The following CFI variants were observed in gnomAD, a reference collection of about 807,000 sequenced individuals.
CFI encodes C3B/C4B inactivator.
In CFI, 66 loss-of-function variants were observed where a neutral mutation model predicts 78.8. The ratio of observed to expected loss-of-function variants is 0.84; its 90% CI spans 0.69 to 1.03. The LOEUF (loss-of-function observed/expected upper bound fraction) is 1.03, where lower values mean the gene tolerates loss of function less well. CFI is among the 50% of genes least tolerant of loss of function. The pLI is 0.00. For missense variants in CFI, 706 were observed against 704.5 expected (o/e 1.00, Z -0.02); for synonymous variants, 250 against 232.6 (o/e 1.07, Z -0.68).
Position 109,749,488 on chromosome 4 carries a change from T to C in CFI, c.1044+11A>G, listed in dbSNP as rs756364056. On this transcript the variant is annotated intron_variant, in intron 9 of 12. Coordinates refer to ENST00000394634, the MANE Select transcript of CFI (RefSeq NM_000204.5). ...TGGGCAGTTGCATTGTGACTTTTCATGCGACTTTACCAGTTGTGCTCGCTT... is the reference window on the plus strand; with the variant it reads ...TGGGCAGTTGCATTGTGACTTTTCACGCGACTTTACCAGTTGTGCTCGCTT... The C allele has an allele frequency of 3.1e-6, 5 of 1,607,558 alleles. No homozygotes were observed. The highest frequency in any genetic ancestry group is 3.4e-6 in the Non-Finnish European group (4 of 1,173,944).
At position 109,746,998 on chromosome 4, in the gene CFI, C is replaced by A. The variant is rs118174439; in HGVS notation, c.1149-496G>T. Among the ~76,000 whole-genome samples the A allele has an allele frequency of 6.6e-5, 10 of 152,306 alleles. No homozygotes were observed. The East Asian group carries it at 1.9e-3, about 29-fold the overall frequency. ...TGCATTGTATTTATTTGTTCACATG[C>A]CTTTCCTCACACTAGACTGTGCTGC... On this transcript the variant is annotated intron_variant, in intron 10 of 12. Coordinates refer to ENST00000394634, the MANE Select transcript of CFI (RefSeq NM_000204.5).
chr4:109,761,017 G>A (rs1726987759), intron 4 of CFI, among the ~76,000 whole-genome samples: 1 of 152,064 alleles, frequency 6.6e-6, no homozygotes, highest in Non-Finnish European at 1.5e-5. Flanking sequence ...CATTTTGGTG[G>A]TACTTTTTTT....
Position 109,740,896 on chromosome 4 carries a change from T to C in CFI, c.1749A>G (p.Val583=). The C allele has an allele frequency of 6.2e-7, 1 of 1,610,596 alleles. No individual in the cohort carries two copies. Among genetic ancestry groups the C allele is most frequent in the Non-Finnish European group, 8.5e-7 (1 of 1,176,756 alleles). The stretch of plus-strand genomic sequence containing the variant: ...AATGAAGAGAGAGATCACAATTTTA[T>C]ACATTGTACTGAGAAATAAAAGGCC... ...VGRPFISQYN[V] The change falls in exon 13 of 13, where the codon GTA becomes GTG. Residue 583 remains valine, a synonymous_variant. Transcript: ENST00000394634.
At chr4:109,768,383 T>C (rs1728087445) in intron 1 of CFI, among the ~76,000 whole-genome samples, 2 of 149,912 alleles carry the variant, frequency 1.3e-5, no homozygotes, top group South Asian at 4.3e-4. Context: ...ACCTGGCTTC[T>C]AGACCCAGTT....
chr4:109,789,547 A>T (rs1235642793), intron 1 of CFI, among the ~76,000 whole-genome samples: 3 of 152,116 alleles, frequency 2.0e-5, no homozygotes, highest in Admixed American at 1.3e-4. Context: ...GAAAATTGGC[A>T]ATCTATAATT....
chr4:109,769,372 C>T (rs1420856265), intron 1 of CFI, among the ~76,000 whole-genome samples: 4 of 152,178 alleles, frequency 2.6e-5, no homozygotes, highest in African/African-American at 9.7e-5. Context: ...ACCTTCATGT[C>T]AGATGAAAGC....
chr4:109,766,830 A>G lies in CFI; in HGVS notation c.58-6T>C. On this transcript the variant is annotated splice_region_variant and splice_polypyrimidine_tract_variant and intron_variant, in intron 1 of 12. Coordinates refer to ENST00000394634, the MANE Select transcript of CFI (RefSeq NM_000204.5). ...TCTTGAGATGTATAAGTGACCTGTAAAATGCAAAATAAACATTAACTTAGC... is the reference window on the plus strand; with the variant it reads ...TCTTGAGATGTATAAGTGACCTGTAGAATGCAAAATAAACATTAACTTAGC... 6.2e-7 allele frequency: 1 copy of G among 1,614,038 alleles called. No homozygotes were observed. The highest frequency in any genetic ancestry group is 8.5e-7 in the Non-Finnish European group (1 of 1,180,002).
intron 1 of CFI, among the ~76,000 whole-genome samples, chr4:109,777,816 G>A (rs984054028): frequency 7.2e-5 from 11 of 152,240 alleles, no homozygotes; most frequent in African/African-American, 2.6e-4. Flanking sequence ...CTAGAACTCA[G>A]GATTAAGAAA....
At chr4:109,761,428 C>G in intron 4 of CFI, 89 bp downstream of exon 4, 6 of 1,257,624 alleles carry the variant, frequency 4.8e-6, no homozygotes, top group Non-Finnish European at 7.0e-6. Context: ...TGACTGGCAA[C>G]GAGGCATCAA....
At chr4:109,758,692 T>G (rs953396388) in intron 6 of CFI, among the ~76,000 whole-genome samples, 1 of 152,178 alleles carries the variant, frequency 6.6e-6, no homozygotes, top group Non-Finnish European at 1.5e-5. Flanking sequence ...CACTTTGAAA[T>G]GGACACACCA....
Position 109,749,510 on chromosome 4 carries a change from G to T in CFI, c.1033C>A (p.Arg345=), listed in dbSNP as rs768411190. The T allele has an allele frequency of 9.3e-6, 15 of 1,612,364 alleles. No individual in the cohort carries two copies. The Admixed American group carries it at 2.5e-4, about 27-fold the overall frequency. Reference sequence around the variant, plus strand: ...TCATGCGACTTTACCAGTTGTGCTCGCTTTCCTCCCACAATTCGTTTCCTT... The same window carrying T: ...TCATGCGACTTTACCAGTTGTGCTCTCTTTCCTCCCACAATTCGTTTCCTT... ...IRRKRIVGGK[R]AQLGDLPWQV... Residue 345 remains arginine (R), a synonymous_variant, in exon 9 of 13, where the codon CGA becomes AGA. Transcript: ENST00000394634.
rs186451607 is a variant in CFI, at chr4:109,785,020, C to T, written c.57+16895G>A. On this transcript the variant is annotated intron_variant, in intron 1 of 12. Coordinates refer to ENST00000394634, the MANE Select transcript of CFI (RefSeq NM_000204.5). ...TAATGTACTTTGTGATATTCACCCC[C>T]GCAAGAAGCTACTTTGTAATATTCT... 2.3e-3 allele frequency among the ~76,000 whole-genome samples: 349 copies of T among 152,182 alleles called. 2 individuals are homozygous for T. The highest frequency in any genetic ancestry group is 8.0e-3 in the African/African-American group (333 of 41,538).
chr4:109,763,597 C>T (rs995581461), intron 3 of CFI, among the ~76,000 whole-genome samples: 3 of 151,906 alleles, frequency 2.0e-5, no homozygotes, highest in Admixed American at 2.0e-4. Context: ...TTATAAGGAA[C>T]ATGCTTAAAA....
chr4:109,791,512 G>T (rs558766203), intron 1 of CFI, among the ~76,000 whole-genome samples: 1 of 152,212 alleles, frequency 6.6e-6, no homozygotes, highest in South Asian at 2.1e-4. Context: ...TGAAATCTTT[G>T]CTCATTCCTA....
intron 1 of CFI, among the ~76,000 whole-genome samples, chr4:109,800,782 T>C (rs900368203): frequency 1.4e-5 from 2 of 148,092 alleles, no homozygotes; most frequent in African/African-American, 4.9e-5. Flanking sequence ...CACACATACA[T>C]ATGTGTGTGT....
At position 109,792,748 on chromosome 4, in the gene CFI, G is replaced by A. The variant is rs115193190; in HGVS notation, c.57+9167C>T. Among the ~76,000 whole-genome samples, 801 of 152,026 alleles carry A rather than the reference G, an allele frequency of 5.3e-3. 6 individuals are homozygous for A. The highest frequency in any genetic ancestry group is 0.019 in the African/African-American group (767 of 41,452). On this transcript the variant is annotated intron_variant, in intron 1 of 12. Coordinates refer to ENST00000394634, the MANE Select transcript of CFI (RefSeq NM_000204.5). ...TATCATGTAATTTATCTCTTGTAAC[G>A]GTTTTTGACTTAAGGTCTATTTTGT... is the stretch of plus-strand genomic sequence containing the variant.
intron 1 of CFI, among the ~76,000 whole-genome samples, chr4:109,785,082 C>A (rs191872510): frequency 6.6e-6 from 1 of 152,054 alleles, no homozygotes; most frequent in Admixed American, 6.6e-5. Flanking sequence ...AGATCCACCC[C>A]CTGCCCACAA....
intron 7 of CFI, among the ~76,000 whole-genome samples, chr4:109,756,954 A>AAAGAAAGAAAGAAAGAAAGAAAGG (rs1726352031): frequency 6.8e-6 from 1 of 146,848 alleles, no homozygotes; most frequent in Admixed American, 6.7e-5. Flanking sequence ...AGAAAGAAAG[A>AAAGAAAGAAAGAAAGAAAGAAAGG]AAGAAAGAAA....
rs563018973 is a variant in CFI at position 109,746,509 on chromosome 4, C to G, written c.1149-7G>C. On this transcript the variant is annotated splice_polypyrimidine_tract_variant and splice_region_variant and intron_variant, in intron 10 of 12. Coordinates refer to ENST00000394634, the MANE Select transcript of CFI (RefSeq NM_000204.5). ...ACGATGAGTTTTACTGGCTCTATAACAGAAAAAAAAAGGAAATAAAATATA... is the reference window on the plus strand; with the variant it reads ...ACGATGAGTTTTACTGGCTCTATAAGAGAAAAAAAAAGGAAATAAAATATA... 12 of 1,573,516 alleles carry G rather than the reference C, an allele frequency of 7.6e-6. No individual in the cohort carries two copies. The South Asian group carries it at 1.4e-4, about 19-fold the overall frequency.
Sources: allele counts gnomAD v4.1 joint callset (sites outside exome capture counted in the v4.1 genomes callset), GRCh38; gene constraint gnomAD v4.1.1; transcripts MANE v1.5; gene names NCBI Gene and HGNC (gene_info 2026-07-23, HGNC 2026-07-21).